The following TMEM132B variants were observed in gnomAD, a reference collection of about 807,000 sequenced individuals.
TMEM132B encodes the protein transmembrane protein 132B.
TMEM132B carries 18 observed loss-of-function variants against 90.8 expected under a neutral mutation model. The ratio of observed to expected loss-of-function variants is 0.20; its 90% CI spans 0.14 to 0.29. The LOEUF (loss-of-function observed/expected upper bound fraction) is 0.29. TMEM132B is among the 10% of genes least tolerant of loss of function. The probability of loss-of-function intolerance (pLI) is 1.00; values close to 1 mark genes in which losing one functional copy is unlikely to be tolerated. For synonymous variants in TMEM132B, 504 were observed against 523.3 expected (o/e 0.96, Z 0.50); for missense variants, 1,096 against 1,326.8 (o/e 0.83, Z 2.70).
chr12:125,617,387 C>A (rs1039804878), intron 5 of TMEM132B, among the ~76,000 whole-genome samples: 1 of 150,696 alleles, frequency 6.6e-6, no homozygotes, highest in African/African-American at 2.4e-5. Flanking sequence ...CTCTTATTGC[C>A]CAGGCTGGAG....
chr12:125,649,477 G>A (rs1202820710), intron 6 of TMEM132B, among the ~76,000 whole-genome samples: 3 of 152,202 alleles, frequency 2.0e-5, no homozygotes, highest in East Asian at 3.8e-4. Context: ...CTGAGTGGCC[G>A]CACAAACCAT....
chr12:125,313,696 C>A (rs1488844362), intron 1 of TMEM132B, among the ~76,000 whole-genome samples: 1 of 107,914 alleles, frequency 9.3e-6, no homozygotes, highest in Non-Finnish European at 1.9e-5. Flanking sequence ...TCCCTCCCCT[C>A]CCCCCCTCCC....
At chr12:125,573,750 C>T (rs1466172273) in intron 4 of TMEM132B, among the ~76,000 whole-genome samples, 1 of 152,156 alleles carries the variant, frequency 6.6e-6, no homozygotes, top group Non-Finnish European at 1.5e-5. Context: ...CTTAGAGCTT[C>T]TGATTCAAAT....
At chr12:125,239,033 T>G (rs567400722) in intron 1 of TMEM132B, among the ~76,000 whole-genome samples, 6 of 152,226 alleles carry the variant, frequency 3.9e-5, no homozygotes, top group African/African-American at 1.4e-4. Context: ...TAATAACGTG[T>G]TCAGGGAGAG....
At chr12:125,328,825 C>T (rs1876673178) in intron 1 of TMEM132B, among the ~76,000 whole-genome samples, 2 of 152,190 alleles carry the variant, frequency 1.3e-5, no homozygotes, top group African/African-American at 4.8e-5. Context: ...CTCCTCGGTA[C>T]ATGTGCCCTC....
chr12:125,432,552 G>GAGAT (rs1555248890), intron 3 of TMEM132B, among the ~76,000 whole-genome samples: 2 of 131,632 alleles, frequency 1.5e-5, no homozygotes, highest in African/African-American at 3.0e-5. Flanking sequence ...GAGAGAGAGA[G>GAGAT]AGAGAGAGAG....
At chr12:125,405,913 G>C (rs547152947) in intron 2 of TMEM132B, among the ~76,000 whole-genome samples, 17 of 152,308 alleles carry the variant, frequency 1.1e-4, no homozygotes, top group African/African-American at 3.9e-4. Flanking sequence ...GCACATGGCT[G>C]CTGGCATCTT....
intron 2 of TMEM132B, among the ~76,000 whole-genome samples, chr12:125,400,048 G>A (rs970517080): frequency 6.6e-6 from 1 of 152,170 alleles, no homozygotes; most frequent in African/African-American, 2.4e-5. Context: ...CTTATCTGTA[G>A]TTCTCTCTTG....
In TMEM132B at chr12:125,653,888, C is replaced by T; in HGVS notation, c.2430C>T (p.Gly810=). ...EHQGGSNDIE[G]INREYKDHLS... Reference sequence around the variant, plus strand: ...AAGGAGGCAGCAATGATATTGAGGGCATAAATCGGGAATATAAAGACCACC... The same window carrying T: ...AAGGAGGCAGCAATGATATTGAGGGTATAAATCGGGAATATAAAGACCACC... The change falls in exon 9 of 9, where the codon GGC becomes GGT. Residue 810 remains glycine, a synonymous_variant. Coordinates refer to ENST00000682704, the MANE Select transcript of TMEM132B (RefSeq NM_001366854.1). 1.2e-6 allele frequency: 2 copies of T among 1,614,086 alleles called. No homozygotes were observed. The highest frequency in any genetic ancestry group is 3.3e-4 in the Middle Eastern group (2 of 6,062).
chr12:125,615,081 C>A (rs150121615), intron 5 of TMEM132B, among the ~76,000 whole-genome samples: 4 of 151,940 alleles, frequency 2.6e-5, no homozygotes, highest in African/African-American at 9.6e-5. Context: ...AGTCATTTTT[C>A]TTTTGCTGTT....
At chr12:125,499,912 A>G (rs1044802556) in intron 3 of TMEM132B, among the ~76,000 whole-genome samples, 2 of 152,218 alleles carry the variant, frequency 1.3e-5, no homozygotes, top group African/African-American at 4.8e-5. Context: ...ACTTCTGCAT[A>G]CAAATGTTAT....
intron 4 of TMEM132B, among the ~76,000 whole-genome samples, chr12:125,539,583 G>A (rs1157614464): frequency 1.3e-5 from 2 of 152,196 alleles, no homozygotes; most frequent in African/African-American, 2.4e-5. Context: ...GCAGGCCCTT[G>A]TTCATCTTCA....
At position 125,560,297 on chromosome 12, in the gene TMEM132B, G is replaced by C. The variant is rs1769197557; in HGVS notation, c.1294-23554G>C. On this transcript the variant is annotated intron_variant, in intron 4 of 8. Transcript: ENST00000682704. ...TCCTAGCGAGGTCAGGGCTGACCTG[G>C]ACCCAAGAGAGAGCAGATCTGGGGC... Among the ~76,000 whole-genome samples the C allele has an allele frequency of 2.0e-5, 3 of 152,312 alleles. No homozygotes were observed. In the South Asian group the frequency reaches 6.2e-4, roughly 32 times the overall value.
chr12:125,584,176 A>C (rs1381542087), intron 5 of TMEM132B, 182 bp downstream of exon 5: 1 of 780,528 alleles, frequency 1.3e-6, no homozygotes, highest in Non-Finnish European at 2.1e-6. Context: ...AGGCGGCTGC[A>C]GCAGGTGATG....
At chr12:125,508,271 G>T (rs1444622234) in intron 3 of TMEM132B, among the ~76,000 whole-genome samples, 2 of 152,200 alleles carry the variant, frequency 1.3e-5, no homozygotes, top group African/African-American at 4.8e-5. Flanking sequence ...GCACTCTTCT[G>T]ATCTAGTGTT....
At chr12:125,573,218 A>G (rs770129218) in intron 4 of TMEM132B, among the ~76,000 whole-genome samples, 1 of 152,140 alleles carries the variant, frequency 6.6e-6, no homozygotes, top group Non-Finnish European at 1.5e-5. Context: ...CTAGGAAAAA[A>G]CTATATACAT....
At chr12:125,193,570 G>C (rs1314645032) in intron 1 of TMEM132B, among the ~76,000 whole-genome samples, 1 of 152,218 alleles carries the variant, frequency 6.6e-6, no homozygotes, top group Non-Finnish European at 1.5e-5. Context: ...AGACTTCTTA[G>C]AGGAGGTGGC....
chr12:125,230,489 T>A (rs1326795516), intron 1 of TMEM132B, among the ~76,000 whole-genome samples: 3 of 152,008 alleles, frequency 2.0e-5, no homozygotes, highest in Non-Finnish European at 2.9e-5. Flanking sequence ...CTCATTTTTT[T>A]ATTTTTTCTG....
At chr12:125,454,403 T>G (rs1019259786) in intron 3 of TMEM132B, among the ~76,000 whole-genome samples, 2 of 151,836 alleles carry the variant, frequency 1.3e-5, no homozygotes, top group African/African-American at 2.4e-5. Flanking sequence ...TGTGTGTGTG[T>G]GTGTGTGTGT....
Sources: gnomAD v4.1 joint callset for allele counts (sites outside exome capture counted in the v4.1 genomes callset) on GRCh38, gnomAD v4.1.1 for gene constraint, MANE v1.5 for transcripts, NCBI Gene and HGNC (gene_info 2026-07-23, HGNC 2026-07-21) for gene names.